The following PGLYRP2 variants were observed in gnomAD, a reference collection of about 807,000 sequenced individuals.
PGLYRP2 encodes the protein peptidoglycan recognition protein 2.
Under a neutral mutation model 46.2 loss-of-function variants are expected in PGLYRP2, and 38 were observed. That is an observed-to-expected ratio of 0.82 (90% CI 0.64 to 1.08). PGLYRP2 has a LOEUF of 1.08. PGLYRP2 is among the 50% of genes least tolerant of loss of function. PGLYRP2 has a pLI of 0.00. For missense variants in PGLYRP2, 713 were observed against 755.9 expected (o/e 0.94, Z 0.67); for synonymous variants, 289 against 329.4 (o/e 0.88, Z 1.33).
chr19:15,479,238 A>G, intron 1 of PGLYRP2, 73 bp downstream of exon 1: 1 of 1,503,498 alleles, frequency 6.7e-7, no homozygotes, highest in East Asian at 2.3e-5. Flanking sequence ...GCAGGGCAAG[A>G]CATAGATGGG....
intron 3 of PGLYRP2, among the ~76,000 whole-genome samples, chr19:15,470,247 T>TCCTTCCTTCCTTCCTC (rs1203227568): frequency 4.3e-4 from 41 of 95,138 alleles, no homozygotes; most frequent in Admixed American, 1.1e-3. Context: ...TTTCTTTCCT[T>TCCTTCCTTCCTTCCTC]CCTTCCTTCC....
chr19:15,471,554 A>T (rs12609198), intron 3 of PGLYRP2, among the ~76,000 whole-genome samples: 57,305 of 151,752 alleles, frequency 0.38, 10,929 homozygotes, highest in African/African-American at 0.4. Context: ...GGCGGGAGCC[A>T]CCGCACCAGG....
chr19:15,468,721 G>C lies in PGLYRP2; in HGVS notation c.1673C>G (p.Ser558Cys), dbSNP rs1239707919. The change falls in exon 5 of 5, where the codon TCT (serine) becomes TGT (cysteine). Residue 558 changes from serine (S) to cysteine (C), a missense_variant. By Grantham distance (112) the Ser-to-Cys change is moderately radical. Transcript: ENST00000340880. ...TVKPRPARSV[S>C]KRSRREPPPR... Reference sequence around the variant, plus strand: ...GGGTGGCTCCCTCCTGGATCTCTTAGAGACACTCCTGGCAGGTCTTGGCTT... The same window carrying C: ...GGGTGGCTCCCTCCTGGATCTCTTACAGACACTCCTGGCAGGTCTTGGCTT... The C allele has an allele frequency of 6.2e-7, 1 of 1,613,012 alleles. No individual in the cohort carries two copies. The highest frequency in any genetic ancestry group is 2.2e-5 in the East Asian group (1 of 44,836).
chr19:15,477,419 C>T (rs1599768007), intron 1 of PGLYRP2, among the ~76,000 whole-genome samples: 1 of 127,224 alleles, frequency 7.9e-6, no homozygotes, highest in East Asian at 2.5e-4. Flanking sequence ...AAAAAAATGC[C>T]AGACGCAGTG....
At chr19:15,475,425 A>G in intron 2 of PGLYRP2, 113 bp downstream of exon 2, 2 of 1,062,494 alleles carry the variant, frequency 1.9e-6, no homozygotes, top group Non-Finnish European at 2.7e-6. Flanking sequence ...CCCCGACCAG[A>G]TCCCTTATTG....
chr19:15,472,037 A>G lies in PGLYRP2; in HGVS notation c.1196T>C (p.Leu399Pro). 1 of 1,611,802 alleles carries G rather than the reference A, an allele frequency of 6.2e-7. No individual in the cohort carries two copies. Among genetic ancestry groups the G allele is most frequent in the Non-Finnish European group, 8.5e-7 (1 of 1,179,910 alleles). The part of the protein sequence containing the change: ...GAAPYRGRPK[L>P]LQLPLGFLYV... ...CAAGAATCCCAGCGGCAGCTGCAGC[A>G]GCTTCGGGCGGCCCCGATAAGGCGC... is the stretch of plus-strand genomic sequence containing the variant. The change falls in exon 3 of 5, where the codon CTG becomes CCG. Residue 399 changes from leucine (L) to proline (P), a missense_variant. Transcript: ENST00000340880.
At position 15,469,142 on chromosome 19, in the gene PGLYRP2, A is replaced by G. The variant is rs182935108; in HGVS notation, c.1642-390T>C. On this transcript the variant is annotated intron_variant, in intron 4 of 4. Transcript: ENST00000340880. This position sits in a 1 kb window ranked among gnomAD's most constrained non-coding sequence, Gnocchi z 4.9. The stretch of plus-strand genomic sequence containing the variant: ...CAACACAGGATTAAGGACTGGACAG[A>G]GGTTGTGAAGGCAAAAGGTCACAGC... 1.2e-5 allele frequency: 7 copies of G among 564,572 alleles called. No homozygotes were observed. The highest frequency in any genetic ancestry group is 1.1e-4 in the African/African-American group (6 of 53,264). 35.0% of individuals were successfully genotyped at this position (564,572 alleles called of 1,614,324 possible). A position where few individuals can be genotyped will look rare whatever the true frequency, so the allele number is the denominator to read the frequency against.
chr19:15,473,264 GT>G (rs1970765470), intron 2 of PGLYRP2, among the ~76,000 whole-genome samples: 1 of 151,970 alleles, frequency 6.6e-6, no homozygotes. Context: ...GAGATCAAGA[GT>G]TTGAGACCAG....
intron 2 of PGLYRP2, among the ~76,000 whole-genome samples, chr19:15,473,422 A>G (rs1051057775): frequency 1.5e-5 from 2 of 132,246 alleles, no homozygotes; most frequent in African/African-American, 5.6e-5. Context: ...GTGAGCTGAG[A>G]TCACATCTTT....
intron 3 of PGLYRP2, among the ~76,000 whole-genome samples, chr19:15,470,455 C>T (rs1438587643): frequency 2.0e-5 from 3 of 151,270 alleles, no homozygotes; most frequent in Middle Eastern, 6.8e-3. Flanking sequence ...CGCCACCACG[C>T]CCATCTAATT....
Position 15,469,528 on chromosome 19 carries a change from G to A in PGLYRP2, c.1641+104C>T. On this transcript the variant is annotated intron_variant, in intron 4 of 4. Transcript: ENST00000340880. The surrounding 1 kb of genome is among the most constrained non-coding windows in gnomAD (Gnocchi z 4.9). ...CCGCCGGGAAGTTGGGGGCCTGGCT[G>A]AGGCTGTGCGGGCACAGCTGTTACA... 1 of 1,467,510 alleles carries A rather than the reference G, an allele frequency of 6.8e-7. No individual in the cohort carries two copies. The highest frequency in any genetic ancestry group is 9.2e-7 in the Non-Finnish European group (1 of 1,083,002). 90.9% of individuals were successfully genotyped at this position (1,467,510 alleles called of 1,614,324 possible).
chr19:15,472,244 C>T (rs1036340499), intron 2 of PGLYRP2, 144 bp from the exon 3 acceptor site: 23 of 654,294 alleles, frequency 3.5e-5, no homozygotes, highest in Middle Eastern at 4.2e-4. Flanking sequence ...TTGGTCCTCC[C>T]TGGGGACCAA....
At chr19:15,470,731 G>A (rs989561358) in intron 3 of PGLYRP2, among the ~76,000 whole-genome samples, 2 of 151,214 alleles carry the variant, frequency 1.3e-5, no homozygotes, top group Non-Finnish European at 2.9e-5. Context: ...TGCAACCTCC[G>A]CTTCCCAGGT....
At chr19:15,473,470 C>CAAAAAAAAAAA (rs56053684) in intron 2 of PGLYRP2, among the ~76,000 whole-genome samples, 2 of 36,460 alleles carry the variant, frequency 5.5e-5, no homozygotes, top group East Asian at 2.4e-3. Flanking sequence ...AACTCTGTCT[C>CAAAAAAAAAAA]AAAAAAAAAA....
At position 15,479,235 on chromosome 19, in the gene PGLYRP2, A is replaced by G. The variant is rs993535230; in HGVS notation, c.61+76T>C. 1.0e-5 allele frequency: 15 copies of G among 1,490,406 alleles called. No homozygotes were observed. In the African/African-American group the frequency reaches 1.9e-4, roughly 19 times the overall value. 92.3% of individuals were successfully genotyped at this position (1,490,406 alleles called of 1,614,324 possible). ...TCTCCAGCCTCACTCCATGCAGGGC[A>G]AGACATAGATGGGACAGCAGTACGC... is the stretch of plus-strand genomic sequence containing the variant. On this transcript the variant is annotated intron_variant, in intron 1 of 4. Transcript: ENST00000340880.
chr19:15,468,893 G>T (rs148261122), intron 4 of PGLYRP2, 141 bp from the exon 5 acceptor site: 4 of 603,626 alleles, frequency 6.6e-6, no homozygotes, highest in East Asian at 2.7e-5. Context: ...ACTATAGGCC[G>T]AGATGGATGT....
rs1255001256 is a variant in PGLYRP2 at position 15,476,090 on chromosome 19, T to C, written c.580A>G (p.Lys194Glu). ...GAAGCTTGGACATCTGGACAGCCTTTTGTAGCATCTGGAGTGTTGGCTCCA... is the reference window on the plus strand; with the variant it reads ...GAAGCTTGGACATCTGGACAGCCTTCTGTAGCATCTGGAGTGTTGGCTCCA... ...DIGANTPDAT[K>E]GCPDVQASLP... The change falls in exon 2 of 5, where the codon AAA becomes GAA. Residue 194 changes from lysine to glutamate, a missense_variant. Physicochemically the swap from Lys to Glu is moderately conservative, Grantham distance 56. Transcript: ENST00000340880. The C allele has an allele frequency of 5.0e-6, 8 of 1,614,168 alleles. No individual in the cohort carries two copies. The South Asian group carries it at 8.8e-5, about 18-fold the overall frequency.
rs1970723843 is a variant in PGLYRP2 at position 15,469,590 on chromosome 19, G to A, written c.1641+42C>T. Reference sequence around the variant, plus strand: ...GGGGCCTCGTGGAGCTTGTGTAGACGGAGGGGCGGCGGGCCGTGTAGTGCA... The same window carrying A: ...GGGGCCTCGTGGAGCTTGTGTAGACAGAGGGGCGGCGGGCCGTGTAGTGCA... On this transcript the variant is annotated intron_variant, in intron 4 of 4. Coordinates refer to ENST00000340880, the MANE Select transcript of PGLYRP2 (RefSeq NM_052890.4). This position sits in a 1 kb window ranked among gnomAD's most constrained non-coding sequence, Gnocchi z 4.9. 1 of 1,558,226 alleles carries A rather than the reference G, an allele frequency of 6.4e-7. No individual in the cohort carries two copies. The highest frequency in any genetic ancestry group is 1.4e-5 in the African/African-American group (1 of 73,450).
rs2145519295 is a variant in PGLYRP2 at position 15,475,833 on chromosome 19, C to A, written c.837G>T (p.Gly279=). 1.9e-6 allele frequency: 3 copies of A among 1,614,048 alleles called. No homozygotes were observed. The highest frequency in any genetic ancestry group is 2.5e-6 in the Non-Finnish European group (3 of 1,180,016). ...TMAFLNGALD[G]VILGDYLSRT... ...GGCTCAGGTAGTCTCCAAGGATGAC[C>A]CCATCCAGGGCGCCATTGAGGAAGG... Residue 279 remains glycine (G), a synonymous_variant, in exon 2 of 5, where the codon GGG becomes GGT. Coordinates refer to ENST00000340880, the MANE Select transcript of PGLYRP2 (RefSeq NM_052890.4).
Sources: gnomAD v4.1 joint callset for allele counts (sites outside exome capture counted in the v4.1 genomes callset) on GRCh38, gnomAD v4.1.1 for gene constraint, Gnocchi (gnomAD v3.1) non-coding constraint, MANE v1.5 for transcripts, NCBI Gene and HGNC (gene_info 2026-07-23, HGNC 2026-07-21) for gene names.